Variants in TNIP1 observed in about 807,000 individuals in gnomAD.
TNIP1 encodes TNFAIP3-interacting protein 1.
TNIP1 carries 22 observed loss-of-function variants against 86.6 expected under a neutral mutation model. The ratio of observed to expected loss-of-function variants is 0.25; its 90% CI spans 0.18 to 0.36. The LOEUF (loss-of-function observed/expected upper bound fraction) is 0.36. Ranked by LOEUF, TNIP1 falls within the 10% of genes least tolerant of loss-of-function variation. The pLI is 1.00. For missense variants in TNIP1, 709 were observed against 820.6 expected (o/e 0.86, Z 1.66); for synonymous variants, 294 against 313.0 (o/e 0.94, Z 0.64).
At chr5:151,073,170 C>T (rs1235659274) in intron 1 of TNIP1, among the ~76,000 whole-genome samples, 2 of 147,996 alleles carry the variant, frequency 1.4e-5, no homozygotes, top group Non-Finnish European at 3.0e-5. Context: ...TGCAGTAAGC[C>T]GAGATCACGC....
chr5:151,051,987 G>A (rs1180620865), intron 7 of TNIP1, among the ~76,000 whole-genome samples, 178 bp downstream of exon 7: 1 of 152,152 alleles, frequency 6.6e-6, no homozygotes, highest in Non-Finnish European at 1.5e-5. Flanking sequence ...TGGCAAAAGG[G>A]CCAGAGAGAA....
chr5:151,062,533 A>T (rs554649733), intron 3 of TNIP1, among the ~76,000 whole-genome samples: 1 of 152,186 alleles, frequency 6.6e-6, no homozygotes, highest in Non-Finnish European at 1.5e-5. Flanking sequence ...TTATGTATCT[A>T]TTATCCCAGC....
intron 16 of TNIP1, 190 bp downstream of exon 16, chr5:151,033,418 C>G (rs577286925): frequency 4.6e-6 from 2 of 433,048 alleles, no homozygotes; most frequent in Non-Finnish European, 8.3e-6. Flanking sequence ...GGCAGCCCTG[C>G]GGGACTGTGG....
chr5:151,035,735 G>A, intron 13 of TNIP1, 28 bp from the exon 14 acceptor site: 1 of 1,612,848 alleles, frequency 6.2e-7, no homozygotes, highest in Non-Finnish European at 8.5e-7. Context: ...TGAAGAGAGG[G>A]AGGGGGATGG....
At chr5:151,032,527 G>A in intron 16 of TNIP1, 144 bp from the exon 17 acceptor site, 2 of 806,798 alleles carry the variant, frequency 2.5e-6, no homozygotes, top group South Asian at 3.1e-5. Flanking sequence ...CCATTTCACA[G>A]GTAAGGAATC....
intron 17 of TNIP1, 70 bp downstream of exon 17, chr5:151,032,217 C>A: frequency 7.3e-7 from 1 of 1,371,138 alleles, no homozygotes; most frequent in Admixed American, 2.1e-5. Flanking sequence ...CACCCCCAAA[C>A]TCAGGCAATG....
rs2233299 is a variant in TNIP1 at position 151,045,906 on chromosome 5, G to A, written c.891C>T (p.Gly297=). 0.24 allele frequency: 390,782 copies of A among 1,613,768 alleles called. 50,066 individuals carry two copies. Among genetic ancestry groups the A allele is most frequent in the Middle Eastern group, 0.28 (1,695 of 6,062 alleles). The stretch of plus-strand genomic sequence containing the variant: ...GCATCTTCACCTTCTTCTCGGCTGC[G>A]CCCAAGGCCACCACCTCTGGGACCT... ...AGKVPEVVAL[G]AAEKKVKMLE... is the part of the protein sequence containing the mutation. The change falls in exon 9 of 18, where the codon GGC becomes GGT. Residue 297 remains glycine (G), a synonymous_variant. Coordinates refer to ENST00000521591, the MANE Select transcript of TNIP1 (RefSeq NM_006058.5).
chr5:151,045,154 CG>C (rs1561829289), intron 9 of TNIP1, among the ~76,000 whole-genome samples: 1 of 151,994 alleles, frequency 6.6e-6, no homozygotes, highest in African/African-American at 2.4e-5. Context: ...CGCGGTGGCA[CG>C]GTCTCGGATC....
rs1184531161 is a variant in TNIP1 at position 151,030,148 on chromosome 5, G to A, written c.*565C>T. ...CCTTCTCCCATCTGTGATGGCTTCA[G>A]CAAGGCTACTGTGAGTGGTGGTGGA... On this transcript the variant is annotated 3_prime_UTR_variant, in exon 18 of 18. Coordinates refer to ENST00000521591, the MANE Select transcript of TNIP1 (RefSeq NM_006058.5). 2.2e-6 allele frequency: 1 copy of A among 456,754 alleles called. No homozygotes were observed. The highest frequency in any genetic ancestry group is 2.0e-5 in the African/African-American group (1 of 50,076). 28.3% of individuals were successfully genotyped at this position (456,754 alleles called of 1,614,324 possible).
chr5:151,056,710 G>GAGCTCGGGGGGAAGCACGCCTGCCT, intron 6 of TNIP1, 56 bp downstream of exon 6: 1 of 1,415,726 alleles, frequency 7.1e-7, no homozygotes, highest in Non-Finnish European at 9.3e-7. Flanking sequence ...AAGGTGGGAA[G>GAGCTCGGGGGGAAGCACGCCTGCCT]AGCTCGGGGG....
chr5:151,068,042 A>T (rs1762438997), intron 1 of TNIP1, among the ~76,000 whole-genome samples: 1 of 152,242 alleles, frequency 6.6e-6, no homozygotes, highest in African/African-American at 2.4e-5. Flanking sequence ...CATGGGAAAC[A>T]AAAAGTGGGC....
chr5:151,046,073 A>C, intron 8 of TNIP1, 123 bp from the exon 9 acceptor site: 1 of 753,604 alleles, frequency 1.3e-6, no homozygotes, highest in East Asian at 2.7e-5. Context: ...TATTCCTCCC[A>C]CCCAGCAGGA....
intron 10 of TNIP1, 97 bp from the exon 11 acceptor site, chr5:151,042,768 C>A (rs552796700): frequency 6.3e-7 from 1 of 1,593,150 alleles, no homozygotes; most frequent in Non-Finnish European, 8.6e-7. Context: ...TCCAACACTG[C>A]CCCCAACTTC....
chr5:151,041,313 C>T (rs927394643), intron 11 of TNIP1, among the ~76,000 whole-genome samples: 5 of 152,074 alleles, frequency 3.3e-5, no homozygotes, highest in South Asian at 2.1e-4. Flanking sequence ...TCAAGTGATC[C>T]GCCCACCTTG....
chr5:151,046,040 G>C, intron 8 of TNIP1, 90 bp from the exon 9 acceptor site: 2 of 1,268,386 alleles, frequency 1.6e-6, no homozygotes, highest in Non-Finnish European at 2.3e-6. Context: ...CCTCACCCAA[G>C]TGGCCCCAGC....
chr5:151,075,171 C>T (rs1203704966), intron 1 of TNIP1, among the ~76,000 whole-genome samples: 1 of 151,948 alleles, frequency 6.6e-6, no homozygotes, highest in Non-Finnish European at 1.5e-5. Context: ...AAAAAAACCC[C>T]ACTAAATTCA....
intron 8 of TNIP1, 94 bp downstream of exon 8, chr5:151,049,730 C>G (rs1169869619): frequency 6.8e-7 from 1 of 1,469,224 alleles, no homozygotes; most frequent in African/African-American, 1.4e-5. Flanking sequence ...GCACTGGCTG[C>G]AGGAGGGAGG....
intron 1 of TNIP1, among the ~76,000 whole-genome samples, chr5:151,073,829 G>A (rs778236038): frequency 1.1e-4 from 17 of 152,080 alleles, no homozygotes; most frequent in Admixed American, 5.2e-4. Flanking sequence ...GAGCCCAGCA[G>A]TTCAGGCTAC....
chr5:151,084,923 G>A (rs932756644), upstream of TNIP1, among the ~76,000 whole-genome samples: 3 of 152,208 alleles, frequency 2.0e-5, no homozygotes, highest in Admixed American at 6.5e-5. Context: ...GACTAAAATT[G>A]TTCTAGGCAA....
Sources: allele counts gnomAD v4.1 joint callset (sites outside exome capture counted in the v4.1 genomes callset), GRCh38; gene constraint gnomAD v4.1.1; transcripts MANE v1.5; gene names NCBI Gene and HGNC (gene_info 2026-07-23, HGNC 2026-07-21).